The following HMGN3 variants were observed in gnomAD, a reference collection of about 807,000 sequenced individuals.
HMGN3 encodes the protein high mobility group nucleosomal binding domain 3.
Under a neutral mutation model 18.8 loss-of-function variants are expected in HMGN3, and 6 were observed. That is an observed-to-expected ratio of 0.32 (90% CI 0.18 to 0.63). The LOEUF is 0.63. Ranked by LOEUF, HMGN3 falls within the 30% of genes least tolerant of loss-of-function variation. The probability of loss-of-function intolerance (pLI) is 0.79; values close to 1 mark genes in which losing one functional copy is unlikely to be tolerated. For synonymous variants in HMGN3, 40 were observed against 36.5 expected (o/e 1.10, Z -0.35); for missense variants, 107 against 114.2 (o/e 0.94, Z 0.29).
intron 5 of HMGN3, chr6:79,202,113 C>T (rs751928536): frequency 3.0e-5 from 46 of 1,543,256 alleles, no homozygotes; most frequent in Non-Finnish European, 3.7e-5. Flanking sequence ...GGTGGGGTGC[C>T]TCTGGAGGTT....
chr6:79,215,804 C>T (rs967693302), intron 1 of HMGN3, among the ~76,000 whole-genome samples: 4 of 152,098 alleles, frequency 2.6e-5, no homozygotes, highest in African/African-American at 9.7e-5. Flanking sequence ...TTTTTATTGG[C>T]TAAGAGTTAT....
chr6:79,204,201 T>A (rs1259800935), intron 3 of HMGN3, among the ~76,000 whole-genome samples: 1 of 152,360 alleles, frequency 6.6e-6, no homozygotes, highest in African/African-American at 2.4e-5. Context: ...GAATCTCTTG[T>A]CTAACCAGAT....
At chr6:79,207,166 G>A (rs1776461499) in intron 3 of HMGN3, among the ~76,000 whole-genome samples, 1 of 152,156 alleles carries the variant, frequency 6.6e-6, no homozygotes, top group Non-Finnish European at 1.5e-5. Flanking sequence ...ATTAAGATTT[G>A]GGGGACTGTT....
chr6:79,234,351 T>C (rs1460676538), intron 1 of HMGN3, 195 bp downstream of exon 1: 6 of 492,572 alleles, frequency 1.2e-5, no homozygotes, highest in Non-Finnish European at 2.2e-5. Context: ...CATTAAGAGA[T>C]CGATGAGGAC....
chr6:79,216,334 A>G (rs1467777096), intron 1 of HMGN3, among the ~76,000 whole-genome samples: 1 of 152,228 alleles, frequency 6.6e-6, no homozygotes, highest in Non-Finnish European at 1.5e-5. Flanking sequence ...GTAACAGTGA[A>G]TGGAATTAAA....
intron 1 of HMGN3, among the ~76,000 whole-genome samples, chr6:79,224,639 C>T (rs1351343481): frequency 6.6e-6 from 1 of 152,042 alleles, no homozygotes; most frequent in African/African-American, 2.4e-5. Context: ...ATGGTTGTTG[C>T]ATTTGATGCT....
intron 1 of HMGN3, among the ~76,000 whole-genome samples, chr6:79,228,804 T>C (rs183686394): frequency 3.7e-4 from 56 of 152,300 alleles, no homozygotes; most frequent in African/African-American, 1.2e-3. Context: ...TGACCTCAAG[T>C]GATCCTCCTG....
intron 1 of HMGN3, among the ~76,000 whole-genome samples, chr6:79,224,149 G>A (rs1292086506): frequency 6.6e-6 from 1 of 152,136 alleles, no homozygotes; most frequent in African/African-American, 2.4e-5. Context: ...TGGCCAGAGA[G>A]GTTGAATAAC....
chr6:79,216,209 G>A (rs1013340296), intron 1 of HMGN3, among the ~76,000 whole-genome samples: 2 of 152,244 alleles, frequency 1.3e-5, no homozygotes, highest in Admixed American at 6.5e-5. Context: ...GAAACTCTTT[G>A]TAAAAATATG....
At chr6:79,231,528 A>C (rs1262625344) in intron 1 of HMGN3, among the ~76,000 whole-genome samples, 1 of 152,252 alleles carries the variant, frequency 6.6e-6, no homozygotes, top group African/African-American at 2.4e-5. Context: ...ATTTATAAAA[A>C]ACCACTTGGC....
At chr6:79,233,820 C>G (rs1777990306) in intron 1 of HMGN3, 1 of 152,416 alleles carries the variant, frequency 6.6e-6, no homozygotes, top group South Asian at 2.1e-4. Flanking sequence ...GTTCCAGTCG[C>G]TGGGGAGGAC....
intron 1 of HMGN3, among the ~76,000 whole-genome samples, chr6:79,215,800 T>C (rs1341285734): frequency 1.3e-5 from 2 of 152,224 alleles, no homozygotes; most frequent in Non-Finnish European, 1.5e-5. Context: ...ATATTTTTTA[T>C]TGGCTAAGAG....
chr6:79,219,452 G>T (rs140119763), intron 1 of HMGN3, among the ~76,000 whole-genome samples: 3 of 151,902 alleles, frequency 2.0e-5, no homozygotes, highest in East Asian at 1.9e-4. Flanking sequence ...ATTACTAAAG[G>T]TTCAAATTTA....
chr6:79,230,104 T>C (rs941680356), intron 1 of HMGN3, among the ~76,000 whole-genome samples: 2 of 152,100 alleles, frequency 1.3e-5, no homozygotes, highest in African/African-American at 2.4e-5. Context: ...TACTGGACAA[T>C]AAAAAAGAAT....
chr6:79,226,714 A>C (rs1193689406), intron 1 of HMGN3, among the ~76,000 whole-genome samples: 1 of 152,150 alleles, frequency 6.6e-6, no homozygotes, highest in Admixed American at 6.5e-5. Context: ...ATTTCTCTTA[A>C]AATATTAAAT....
intron 2 of HMGN3, among the ~76,000 whole-genome samples, chr6:79,211,304 C>G (rs894314684): frequency 2.6e-5 from 4 of 152,002 alleles, no homozygotes; most frequent in Admixed American, 1.3e-4. Context: ...GCTTTCACAG[C>G]CTTAAAATCT....
At chr6:79,214,131 A>T (rs1441486718) in intron 2 of HMGN3, among the ~76,000 whole-genome samples, 2 of 151,826 alleles carry the variant, frequency 1.3e-5, no homozygotes, top group Non-Finnish European at 2.9e-5. Context: ...TTATCCCAAT[A>T]TCCTGAGTGT....
At chr6:79,209,473 C>G (rs1015214715) in intron 2 of HMGN3, among the ~76,000 whole-genome samples, 2 of 152,168 alleles carry the variant, frequency 1.3e-5, no homozygotes, top group African/African-American at 4.8e-5. Flanking sequence ...TACTTTTTGT[C>G]TGTTTTATTC....
intron 2 of HMGN3, 143 bp from the exon 3 acceptor site, chr6:79,208,719 G>C: frequency 1.4e-6 from 1 of 733,030 alleles, no homozygotes; most frequent in Non-Finnish European, 2.5e-6. Context: ...GGTAAGCACA[G>C]TGAAACATAT....
Sources: gnomAD v4.1 joint callset for allele counts (sites outside exome capture counted in the v4.1 genomes callset) on GRCh38, gnomAD v4.1.1 for gene constraint, MANE v1.5 for transcripts, NCBI Gene and HGNC (gene_info 2026-07-23, HGNC 2026-07-21) for gene names.